XG: variants seen among roughly 807,000 people sequenced by gnomAD.
XG encodes the protein glycoprotein Xg.
Under a neutral mutation model 25.7 loss-of-function variants are expected in XG, and 24 were observed. That is an observed-to-expected ratio of 0.93 (90% CI 0.68 to 1.31). The LOEUF (loss-of-function observed/expected upper bound fraction) is 1.31, where lower values mean the gene tolerates loss of function less well. Among genes scored for constraint, XG ranks in the 40% most tolerant of loss-of-function variants. The pLI is 0.00. For synonymous variants in XG, 77 were observed against 69.2 expected, an observed-to-expected ratio of 1.11 and a Z score of -0.56; for missense variants, 181 against 187.6, an observed-to-expected ratio of 0.96 and a Z score of 0.21.
intron 10 of XG, 148 bp from the exon 11 acceptor site, chrX:2,814,216 T>G (rs986908360): frequency 1.5e-6 from 1 of 681,238 alleles, no homozygotes; most frequent in African/African-American, 2.2e-5. Flanking sequence ...CTGCTTCATT[T>G]TTTTCTGTTC....
At chrX:2,797,566 A>G (rs1047260126) in intron 7 of XG, among the ~76,000 whole-genome samples, 1 of 106,512 alleles carries the variant, frequency 9.4e-6, no homozygotes, top group Non-Finnish European at 1.9e-5. Flanking sequence ...AGCCACACAT[A>G]CACACACGCA....
intron 1 of XG, among the ~76,000 whole-genome samples, chrX:2,761,417 A>G (rs2050562754): frequency 6.6e-6 from 1 of 151,742 alleles, no homozygotes; most frequent in Admixed American, 6.6e-5. Context: ...GTGGTTTGTA[A>G]GCCACCCAGC....
intron 1 of XG, among the ~76,000 whole-genome samples, chrX:2,759,822 G>A (rs2050523421): frequency 6.6e-6 from 1 of 152,226 alleles, no homozygotes; most frequent in Non-Finnish European, 1.5e-5. Flanking sequence ...ACACGGCAAA[G>A]CTCCTGGGGA....
chrX:2,784,569 CAAA>C (rs71866753), intron 4 of XG, among the ~76,000 whole-genome samples: 19,765 of 52,941 alleles, frequency 0.37, 3,217 homozygotes, highest in African/African-American at 0.64. Flanking sequence ...GACTCCGTCT[CAAA>C]AAAAAAAAAA....
rs773806436 is a variant in XG, at chrX:2,803,372, G to A, written c.374-3329G>A. ...GGTCTCACCGTTGTAACTGCCCAAT[G>A]GGTTTACCTTGCCCCCTGCCTAAAC... On this transcript the variant is annotated intron_variant, in intron 7 of 10. Transcript: ENST00000644266. Among the ~76,000 whole-genome samples the A allele has an allele frequency of 2.3e-3, 260 of 111,320 alleles. 1 individual carries two copies. Among genetic ancestry groups the A allele is most frequent in the African/African-American group, 7.7e-3 (235 of 30,628 alleles).
chrX:2,797,619 T>TAA (rs758539551), intron 7 of XG, among the ~76,000 whole-genome samples: 1 of 109,786 alleles, frequency 9.1e-6, no homozygotes, highest in South Asian at 3.9e-4. Context: ...CCCCTTTAGG[T>TAA]AAAAGTAAAC....
chrX:2,770,491 C>G lies in XG; in HGVS notation c.62-59C>G, dbSNP rs369779935. The G allele has an allele frequency of 3.4e-5, 55 of 1,603,776 alleles. 1 individual carries two copies. In the African/African-American group the frequency reaches 6.4e-4, roughly 19 times the overall value. The stretch of plus-strand genomic sequence containing the variant: ...GAGGGGAGCAGCATGAGGTGAGGAA[C>G]AAGGGGGATTCTGGCCTTTCCATCA... On this transcript the variant is annotated intron_variant, in intron 1 of 10. Transcript: ENST00000644266.
intron 1 of XG, among the ~76,000 whole-genome samples, chrX:2,754,464 A>T (rs311111): frequency 0.25 from 38,292 of 151,984 alleles, 4,899 homozygotes; most frequent in East Asian, 0.35. Flanking sequence ...AACTTAGTTG[A>T]TTGTCCCTCA....
intron 1 of XG, among the ~76,000 whole-genome samples, chrX:2,756,261 A>G (rs759959134): frequency 6.6e-6 from 1 of 152,318 alleles, no homozygotes; most frequent in South Asian, 2.1e-4. Context: ...GTCTTCTAAC[A>G]GCTGAGAAGA....
intron 1 of XG, among the ~76,000 whole-genome samples, chrX:2,754,516 T>C (rs1459035359): frequency 6.6e-6 from 1 of 152,136 alleles, no homozygotes; most frequent in Non-Finnish European, 1.5e-5. Context: ...ATTTTACAGA[T>C]GGTGTATTAG....
chrX:2,810,808 C>G (rs1451613283), intron 9 of XG, among the ~76,000 whole-genome samples: 1 of 110,777 alleles, frequency 9.0e-6, no homozygotes, highest in African/African-American at 3.3e-5. Flanking sequence ...CCCAGCTATT[C>G]GGGAGGCTGA....
chrX:2,771,390 C>T (rs1449520947), intron 2 of XG, among the ~76,000 whole-genome samples: 2 of 152,170 alleles, frequency 1.3e-5, no homozygotes, highest in Non-Finnish European at 2.9e-5. Flanking sequence ...GTGAGTTTTT[C>T]TTCTCCAGGG....
Position 2,814,382 on chromosome X carries a change from G to A in XG, c.*2G>A, listed in dbSNP as rs780182276. The stretch of plus-strand genomic sequence containing the variant: ...CTTTCAGAACCAGAAAATGTCTGAA[G>A]ATGTTAAGATCCCCTGATTACTTTG... On this transcript the variant is annotated 3_prime_UTR_variant, in exon 11 of 11. Transcript: ENST00000644266. 5 of 1,203,250 alleles carry A rather than the reference G, an allele frequency of 4.2e-6. No individual in the cohort carries two copies. In the East Asian group the frequency reaches 1.2e-4, roughly 29 times the overall value.
intron 3 of XG, 100 bp downstream of exon 3, chrX:2,774,839 G>C: frequency 1.4e-6 from 2 of 1,461,812 alleles, no homozygotes; most frequent in Non-Finnish European, 1.9e-6. Context: ...TGGGGTATAT[G>C]AAAGAGATGC....
At chrX:2,786,284 G>A (rs1273179374) in intron 4 of XG, among the ~76,000 whole-genome samples, 11 of 20,137 alleles carry the variant, frequency 5.5e-4, no homozygotes, top group African/African-American at 1.5e-3. Context: ...TTTTCAGACA[G>A]AGTCTCACTG....
intron 1 of XG, among the ~76,000 whole-genome samples, chrX:2,762,610 G>T (rs1173631665): frequency 2.6e-5 from 4 of 152,176 alleles, no homozygotes; most frequent in Admixed American, 1.3e-4. Context: ...TTAGAGAACA[G>T]AATGGATTTC....
intron 6 of XG, among the ~76,000 whole-genome samples, chrX:2,795,347 A>T (rs2086875109): frequency 9.3e-6 from 1 of 107,675 alleles, no homozygotes; most frequent in Non-Finnish European, 1.9e-5. Flanking sequence ...TATGTTATAT[A>T]AATATATATC....
intron 3 of XG, chrX:2,775,029 T>C (rs1168408882): frequency 2.4e-6 from 1 of 417,962 alleles, no homozygotes; most frequent in African/African-American, 2.0e-5. Flanking sequence ...CTGGTGGGAG[T>C]CTAAAATGGT....
intron 1 of XG, among the ~76,000 whole-genome samples, chrX:2,757,273 G>T (rs1471716106): frequency 6.6e-6 from 1 of 152,020 alleles, no homozygotes; most frequent in Non-Finnish European, 1.5e-5. Flanking sequence ...CATGGGGTCT[G>T]GGGTTTGGGG....
Sources: gnomAD v4.1 joint callset for allele counts (sites outside exome capture counted in the v4.1 genomes callset) on GRCh38, gnomAD v4.1.1 for gene constraint, MANE v1.5 for transcripts, NCBI Gene and HGNC (gene_info 2026-07-23, HGNC 2026-07-21) for gene names.